Variants in BDH1 observed in about 807,000 individuals in gnomAD.
BDH1 encodes the protein 3-hydroxybutyrate dehydrogenase 1, also known as D-beta-hydroxybutyrate dehydrogenase, mitochondrial.
Under a neutral mutation model 33.1 loss-of-function variants are expected in BDH1, and 30 were observed. The observed-to-expected ratio is 0.91, with a 90% CI of 0.68 to 1.23. The LOEUF (loss-of-function observed/expected upper bound fraction) is 1.23, where lower values mean the gene tolerates loss of function less well. Among genes scored for constraint, BDH1 ranks in the 50% most tolerant of loss-of-function variants. The pLI is 0.00. For synonymous variants in BDH1, 190 were observed against 183.6 expected, an observed-to-expected ratio of 1.03 and a Z score of -0.28; for missense variants, 443 against 464.4, an observed-to-expected ratio of 0.95 and a Z score of 0.42.
At chr3:197,512,507 C>T in intron 7 of BDH1, 143 bp from the exon 8 acceptor site, 1 of 846,206 alleles carries the variant, frequency 1.2e-6, no homozygotes, top group Non-Finnish European at 1.8e-6. Context: ...AAGGCCAGCT[C>T]AGGCCCACGC....
rs535409614 is a variant in BDH1, at chr3:197,544,653, G to T, written c.83+1708C>A. Among the ~76,000 whole-genome samples the T allele has an allele frequency of 2.0e-5, 3 of 152,330 alleles. No individual in the cohort carries two copies. In the East Asian group the frequency reaches 5.8e-4, roughly 29 times the overall value. ...GCTGTGATGGCAGGGGCCTCCTGCC[G>T]CCTGTGCCAATGGGGCATTCTAAAC... On this transcript the variant is annotated intron_variant, in intron 3 of 7. Coordinates refer to ENST00000392379, the MANE Select transcript of BDH1 (RefSeq NM_203314.3).
Position 197,512,271 on chromosome 3 carries a change from G to A in BDH1, c.656C>T (p.Ser219Leu), listed in dbSNP as rs767131775. The stretch of plus-strand genomic sequence containing the variant: ...GTACATCTCATAGCGCAGGCAGTCC[G>A]AGAAAGCCTCTACCCCGAACTTGGT... ...CITKFGVEAF[S>L]DCLRYEMYPL... The change falls in exon 8 of 8, where the codon TCG becomes TTG. Residue 219 changes from serine to leucine, a missense_variant. By Grantham distance (145) the Ser-to-Leu change is moderately radical (BLOSUM62 -2). Coordinates refer to ENST00000392379, the MANE Select transcript of BDH1 (RefSeq NM_203314.3). 2.7e-5 allele frequency: 43 copies of A among 1,612,888 alleles called. No homozygotes were observed. In the East Asian group the frequency reaches 4.5e-4, roughly 17 times the overall value.
At chr3:197,567,367 C>A (rs1717467114) in intron 1 of BDH1, among the ~76,000 whole-genome samples, 1 of 152,144 alleles carries the variant, frequency 6.6e-6, no homozygotes, top group Admixed American at 6.6e-5. Context: ...CAAAGTCATC[C>A]CTCTGCTCAC....
chr3:197,545,346 G>A (rs1018044144), intron 3 of BDH1, among the ~76,000 whole-genome samples: 3 of 152,138 alleles, frequency 2.0e-5, no homozygotes, highest in African/African-American at 7.2e-5. Flanking sequence ...GTGAAGGTTT[G>A]GGACATCTCG....
At chr3:197,546,563 G>T in intron 2 of BDH1, 77 bp from the exon 3 acceptor site, 1 of 980,002 alleles carries the variant, frequency 1.0e-6, no homozygotes, top group Non-Finnish European at 1.6e-6. Context: ...TTCCTTTCAG[G>T]TTGTGAAAGT....
At chr3:197,568,782 C>T (rs765372294) in intron 1 of BDH1, among the ~76,000 whole-genome samples, 2 of 151,956 alleles carry the variant, frequency 1.3e-5, no homozygotes, top group African/African-American at 4.8e-5. Context: ...ACACCTCTGC[C>T]CATCCTGCCC....
At chr3:197,569,950 A>G (rs1301022167) in intron 1 of BDH1, among the ~76,000 whole-genome samples, 4 of 143,804 alleles carry the variant, frequency 2.8e-5, no homozygotes, top group Non-Finnish European at 6.0e-5. Flanking sequence ...AGGGCTCAGA[A>G]GAAGACAGGA....
intron 3 of BDH1, among the ~76,000 whole-genome samples, chr3:197,540,011 G>A (rs577471640): frequency 7.2e-5 from 11 of 152,172 alleles, no homozygotes; most frequent in Admixed American, 2.0e-4. Flanking sequence ...CATCCCTAGT[G>A]GAACTAGATG....
intron 1 of BDH1, among the ~76,000 whole-genome samples, chr3:197,570,892 C>G (rs1717584638): frequency 6.6e-6 from 1 of 152,234 alleles, no homozygotes; most frequent in South Asian, 2.1e-4. Context: ...CTCCAGCCCC[C>G]AGAATGGTAG....
chr3:197,531,815 G>T (rs1040901673), intron 5 of BDH1, among the ~76,000 whole-genome samples: 1 of 152,060 alleles, frequency 6.6e-6, no homozygotes, highest in Non-Finnish European at 1.5e-5. Context: ...TTGCAGTCTC[G>T]GGTCCCAGTG....
At chr3:197,515,603 A>G (rs575282220) in intron 6 of BDH1, 55 of 985,514 alleles carry the variant, frequency 5.6e-5, no homozygotes, top group Admixed American at 1.2e-4. Context: ...CTTCAGTTCT[A>G]TACACATTAG....
Position 197,546,346 on chromosome 3 carries a change from C to T in BDH1, c.83+15G>A. On this transcript the variant is annotated intron_variant, in intron 3 of 7. Transcript: ENST00000392379. The stretch of plus-strand genomic sequence containing the variant: ...AAGTGTCCCCTCAAGGCCACCACCA[C>T]CTCTGGTTGCTTACCTTGCTCCATT... 2 of 1,613,972 alleles carry T rather than the reference C, an allele frequency of 1.2e-6. No individual in the cohort carries two copies. Among genetic ancestry groups the T allele is most frequent in the Non-Finnish European group, 1.7e-6 (2 of 1,179,918 alleles).
chr3:197,529,988 T>C (rs565475230), intron 5 of BDH1: 2 of 152,320 alleles, frequency 1.3e-5, no homozygotes, highest in East Asian at 3.9e-4. Flanking sequence ...TGTCTCAGAA[T>C]ACTCACTACA....
intron 5 of BDH1, chr3:197,529,749 T>C (rs1470531405): frequency 6.6e-6 from 1 of 152,230 alleles, no homozygotes; most frequent in Non-Finnish European, 1.5e-5. Context: ...GCAATATAAA[T>C]GATTTCTTTT....
chr3:197,573,251 CTTAA>C (rs1717668750), exon 1 of BDH1: 1 of 152,204 alleles, frequency 6.6e-6, no homozygotes, highest in South Asian at 2.1e-4. Context: ...GCCGGATCCT[CTTAA>C]TTCTCAGTTG....
At chr3:197,531,418 AAT>A (rs199916775) in intron 5 of BDH1, among the ~76,000 whole-genome samples, 3,360 of 137,206 alleles carry the variant, frequency 0.024, 130 homozygotes, top group African/African-American at 0.086. Flanking sequence ...TTAAAAAAAA[AAT>A]ATATATATAT....
intron 3 of BDH1, among the ~76,000 whole-genome samples, chr3:197,540,965 C>T (rs769366341): frequency 3.9e-5 from 6 of 152,298 alleles, no homozygotes; most frequent in Admixed American, 1.3e-4. Flanking sequence ...CGGGCAGCTC[C>T]AGCTAGCATG....
At chr3:197,515,680 C>T in intron 6 of BDH1, 1 of 985,504 alleles carries the variant, frequency 1.0e-6, no homozygotes, top group Non-Finnish European at 1.2e-6. Context: ...TCCCGAAGAT[C>T]CTTCTGTAAC....
At chr3:197,531,859 T>G (rs1714694521) in intron 5 of BDH1, among the ~76,000 whole-genome samples, 1 of 152,190 alleles carries the variant, frequency 6.6e-6, no homozygotes, top group Non-Finnish European at 1.5e-5. Context: ...CTACTTAATG[T>G]GTCCCGAAGG....
Sources: gnomAD v4.1 joint callset for allele counts (sites outside exome capture counted in the v4.1 genomes callset) on GRCh38, gnomAD v4.1.1 for gene constraint, MANE v1.5 for transcripts, NCBI Gene and HGNC (gene_info 2026-07-23, HGNC 2026-07-21) for gene names.